The following PTPRK variants were observed in gnomAD, a reference collection of about 807,000 sequenced individuals.
The protein encoded by PTPRK is protein tyrosine phosphatase receptor type K.
A neutral mutation model predicts 178.0 loss-of-function variants in PTPRK; 75 were observed. That is an observed-to-expected ratio of 0.42 (90% CI 0.35 to 0.51). The LOEUF (loss-of-function observed/expected upper bound fraction) is 0.51. Ranked by LOEUF, PTPRK falls within the 20% of genes least tolerant of loss-of-function variation. PTPRK has a pLI of 0.02. For synonymous variants in PTPRK, 637 were observed against 620.6 expected (o/e 1.03, Z -0.39); for missense variants, 1,441 against 1,797.8 (o/e 0.80, Z 3.59).
At chr6:128,263,969 C>T (rs1818566686) in intron 3 of PTPRK, among the ~76,000 whole-genome samples, 4 of 152,102 alleles carry the variant, frequency 2.6e-5, no homozygotes, top group Admixed American at 1.3e-4. Flanking sequence ...CTGTTTCTTT[C>T]CAAGGAGGTC....
At chr6:128,353,562 A>C (rs1833487796) in intron 2 of PTPRK, among the ~76,000 whole-genome samples, 1 of 152,218 alleles carries the variant, frequency 6.6e-6, no homozygotes, top group Admixed American at 6.5e-5. Context: ...CATGGATCCT[A>C]AGGGAATATC....
intron 25 of PTPRK, 83 bp from the exon 26 acceptor site, chr6:127,977,137 T>C: frequency 2.2e-6 from 3 of 1,385,686 alleles, no homozygotes; most frequent in Non-Finnish European, 3.0e-6. Flanking sequence ...TACACTTCAA[T>C]GTAGGACCAG....
At chr6:128,156,831 A>C (rs1798021574) in intron 7 of PTPRK, among the ~76,000 whole-genome samples, 1 of 152,016 alleles carries the variant, frequency 6.6e-6, no homozygotes, top group African/African-American at 2.4e-5. Context: ...GTATGTATAT[A>C]TACATGCATG....
chr6:128,321,684 C>T (rs1828810764), intron 3 of PTPRK: 1 of 642,330 alleles, frequency 1.6e-6, no homozygotes, highest in African/African-American at 1.8e-5. Flanking sequence ...GCTATTTCTT[C>T]CTGAACAAAG....
chr6:127,975,697 C>A (rs534541536), intron 27 of PTPRK, among the ~76,000 whole-genome samples: 2 of 151,886 alleles, frequency 1.3e-5, no homozygotes, highest in Non-Finnish European at 2.9e-5. Context: ...TTTTGGGGGA[C>A]GAAGTCTCGC....
chr6:128,178,910 C>T (rs556853767), intron 7 of PTPRK, among the ~76,000 whole-genome samples: 18 of 151,806 alleles, frequency 1.2e-4, no homozygotes, highest in African/African-American at 4.1e-4. Flanking sequence ...AAATAGTAAC[C>T]ATGGTTTCTC....
At chr6:128,201,484 C>T (rs182270210) in intron 6 of PTPRK, among the ~76,000 whole-genome samples, 11 of 152,222 alleles carry the variant, frequency 7.2e-5, no homozygotes, top group African/African-American at 2.6e-4. Flanking sequence ...TGTGGTAGTC[C>T]TAAATAGTTT....
chr6:128,329,560 A>G (rs146144748), intron 2 of PTPRK, among the ~76,000 whole-genome samples: 85 of 152,270 alleles, frequency 5.6e-4, no homozygotes, highest in Admixed American at 3.1e-3. Flanking sequence ...TCCAAGTCTG[A>G]GTCCAATAAC....
chr6:128,098,743 A>G (rs1788305402), intron 7 of PTPRK, among the ~76,000 whole-genome samples: 1 of 152,214 alleles, frequency 6.6e-6, no homozygotes, highest in African/African-American at 2.4e-5. Flanking sequence ...CAGTAATTTA[A>G]GAATTGCATT....
In PTPRK at chr6:128,519,051, T is replaced by C. The variant is rs1562687707; in HGVS notation, c.100+1208A>G. 1 of 532,264 alleles carries C rather than the reference T, an allele frequency of 1.9e-6. No individual in the cohort carries two copies. Among genetic ancestry groups the C allele is most frequent in the Non-Finnish European group, 3.9e-6 (1 of 259,578 alleles). The allele number at this position is 532,264 out of a possible 1,614,324, so 33.0% of individuals were successfully genotyped here. A position where few individuals can be genotyped will look rare whatever the true frequency, so the allele number is the denominator to read the frequency against. On this transcript the variant is annotated intron_variant, in intron 1 of 29. Transcript: ENST00000368226. This position sits in a 1 kb window ranked among gnomAD's most constrained non-coding sequence, Gnocchi z 4.3. Reference sequence around the variant, plus strand: ...TCAGCCAGGAGCGTGGCTGTCGCTTTTCCCGTCTTCTCCATCACCCTCTGG... The same window carrying C: ...TCAGCCAGGAGCGTGGCTGTCGCTTCTCCCGTCTTCTCCATCACCCTCTGG...
At chr6:128,241,682 C>T (rs562880851) in intron 4 of PTPRK, among the ~76,000 whole-genome samples, 3 of 152,192 alleles carry the variant, frequency 2.0e-5, no homozygotes, top group South Asian at 2.1e-4. Context: ...GTGATGTAAA[C>T]ACAAATTTAG....
At position 128,445,200 on chromosome 6, in the gene PTPRK, T is replaced by TTATA. The variant is rs779511665; in HGVS notation, c.101-47516_101-47513dup. Among the ~76,000 whole-genome samples, 250 of 132,426 alleles carry TTATA rather than the reference T, an allele frequency of 1.9e-3. 2 individuals carry two copies. In the East Asian group the frequency reaches 0.029, roughly 15 times the overall value. 86.9% of individuals were successfully genotyped at this position (132,426 alleles called of 152,430 possible). A position where few individuals can be genotyped will look rare whatever the true frequency, so the allele number is the denominator to read the frequency against. On this transcript the variant is annotated intron_variant, in intron 1 of 29. Transcript: ENST00000368226. Reference sequence around the variant, plus strand: ...AAGACCCCCAACTCTACTATTTTATTTATATATATATATATATATAATTTA... The same window carrying TTATA: ...AAGACCCCCAACTCTACTATTTTATTTATATATATATATATATATATATAATTTA...
intron 11 of PTPRK, among the ~76,000 whole-genome samples, chr6:128,072,248 A>T (rs1181437115): frequency 2.0e-5 from 3 of 152,014 alleles, no homozygotes; most frequent in African/African-American, 4.8e-5. Context: ...CTTATTTTTT[A>T]AAAAATTAAA....
intron 6 of PTPRK, among the ~76,000 whole-genome samples, chr6:128,204,638 T>C (rs1328505021): frequency 6.8e-6 from 1 of 147,988 alleles, no homozygotes; most frequent in Admixed American, 6.7e-5. Context: ...AGAAGACATA[T>C]AGGCAGCCAA....
At chr6:128,177,527 G>A (rs1231383550) in intron 7 of PTPRK, among the ~76,000 whole-genome samples, 1 of 151,788 alleles carries the variant, frequency 6.6e-6, no homozygotes, top group Non-Finnish European at 1.5e-5. Flanking sequence ...ATTAACACTG[G>A]TTACCAAATG....
intron 2 of PTPRK, among the ~76,000 whole-genome samples, chr6:128,391,804 T>G (rs904662419): frequency 6.6e-6 from 1 of 151,728 alleles, no homozygotes; most frequent in African/African-American, 2.4e-5. Flanking sequence ...AAATTATTAC[T>G]AAATTAAATA....
chr6:128,266,663 T>C (rs1048362262), intron 3 of PTPRK, among the ~76,000 whole-genome samples: 1 of 152,132 alleles, frequency 6.6e-6, no homozygotes, highest in African/African-American at 2.4e-5. Context: ...TGTCCAAAAG[T>C]GCAGGATACT....
intron 1 of PTPRK, among the ~76,000 whole-genome samples, chr6:128,427,229 C>A (rs955068883): frequency 6.6e-6 from 1 of 152,162 alleles, no homozygotes; most frequent in Non-Finnish European, 1.5e-5. Context: ...AAAGAAAGCA[C>A]TATTATTGAC....
intron 13 of PTPRK, among the ~76,000 whole-genome samples, chr6:128,047,096 G>C (rs543922866): frequency 4.7e-4 from 71 of 152,260 alleles, no homozygotes; most frequent in African/African-American, 1.6e-3. Flanking sequence ...ACAAAAGAAA[G>C]AAGAATGGAG....
Sources: gnomAD v4.1 joint callset for allele counts (sites outside exome capture counted in the v4.1 genomes callset) on GRCh38, gnomAD v4.1.1 for gene constraint, Gnocchi (gnomAD v3.1) non-coding constraint, MANE v1.5 for transcripts, NCBI Gene and HGNC (gene_info 2026-07-23, HGNC 2026-07-21) for gene names.